BCL2L13: variants seen among roughly 807,000 people sequenced by gnomAD.
BCL2L13 encodes bcl-2-like protein 13.
Under a neutral mutation model 25.8 loss-of-function variants are expected in BCL2L13, and 13 were observed. That is an observed-to-expected ratio of 0.50 (90% CI 0.33 to 0.80). BCL2L13 has a LOEUF of 0.80. Ranked by LOEUF, BCL2L13 falls within the 30% of genes least tolerant of loss-of-function variation. BCL2L13 has a pLI of 0.02. For missense variants in BCL2L13, 504 were observed against 574.9 expected, an observed-to-expected ratio of 0.88 and a Z score of 1.26; for synonymous variants, 244 against 230.3, an observed-to-expected ratio of 1.06 and a Z score of -0.54.
At chr22:17,674,243 T>C (rs1295727457) in intron 2 of BCL2L13, among the ~76,000 whole-genome samples, 3 of 152,188 alleles carry the variant, frequency 2.0e-5, no homozygotes, top group African/African-American at 7.2e-5. Context: ...ATTTGAATTA[T>C]CAGGAAACAG....
At chr22:17,688,862 G>C in intron 3 of BCL2L13, 124 bp from the exon 4 acceptor site, 1 of 864,008 alleles carries the variant, frequency 1.2e-6, no homozygotes, top group Non-Finnish European at 1.6e-6. Context: ...CTGCCTCCTG[G>C]GTTCAAGTGA....
chr22:17,639,027 C>A, intron 1 of BCL2L13, 141 bp downstream of exon 1: 2 of 678,616 alleles, frequency 2.9e-6, no homozygotes, highest in Non-Finnish European at 4.1e-6. Context: ...TGTGTGTCTA[C>A]ACCGGCGCTC....
intron 6 of BCL2L13, among the ~76,000 whole-genome samples, chr22:17,710,511 C>T (rs958938047): frequency 1.8e-4 from 27 of 151,776 alleles, no homozygotes; most frequent in South Asian, 8.3e-4. Context: ...ACTTGGGAGG[C>T]GGAGGTTGCG....
intron 1 of BCL2L13, among the ~76,000 whole-genome samples, chr22:17,648,271 C>G (rs2058562852): frequency 6.6e-6 from 1 of 152,128 alleles, no homozygotes; most frequent in African/African-American, 2.4e-5. Context: ...GGCCTGTTAT[C>G]AATACCTTTG....
chr22:17,727,583 T>C lies in BCL2L13; in HGVS notation c.*49T>C, dbSNP rs1184215341. The C allele has an allele frequency of 2.5e-6, 4 of 1,594,684 alleles. No homozygotes were observed. The highest frequency in any genetic ancestry group is 1.7e-5 in the Admixed American group (1 of 58,720). On this transcript the variant is annotated 3_prime_UTR_variant, in exon 7 of 7. Transcript: ENST00000317582. ...AGAAGGATGTAAGGTTGGAGTTGTA[T>C]TGGCTGGAATTTGAACCTCCAGCAG...
rs191206341 is a variant in BCL2L13 at position 17,711,848 on chromosome 22, T to G, written c.600+9462T>G. On this transcript the variant is annotated intron_variant, in intron 6 of 6. Transcript: ENST00000317582. ...CCCTTCTGTTTGAAGAACTGTGTAA[T>G]TGTAAGGCACATCTTTTGACATGGC... 3.0e-3 allele frequency among the ~76,000 whole-genome samples: 462 copies of G among 152,230 alleles called. 5 individuals are homozygous for G. Among genetic ancestry groups the G allele is most frequent in the African/African-American group, 0.01 (424 of 41,518 alleles).
At chr22:17,723,062 G>GCAAAATGTGT (rs1473862508) in intron 6 of BCL2L13, among the ~76,000 whole-genome samples, 17 of 152,166 alleles carry the variant, frequency 1.1e-4, no homozygotes, top group South Asian at 2.1e-4. Context: ...GAAAATCCTT[G>GCAAAATGTGT]CAAAATGTGT....
At chr22:17,703,166 T>TACACACACACACACACACACACAC (rs1306835928) in intron 6 of BCL2L13, 26 of 128,586 alleles carry the variant, frequency 2.0e-4, no homozygotes, top group African/African-American at 8.9e-4. Flanking sequence ...CAACAAAATA[T>TACACACACACACACACACACACAC]ATATATACAC....
rs139314032 is a variant in BCL2L13 at position 17,650,957 on chromosome 22, G to A, written c.-50-4705G>A. On this transcript the variant is annotated intron_variant, in intron 1 of 6. Coordinates refer to ENST00000317582, the MANE Select transcript of BCL2L13 (RefSeq NM_015367.4). ...GCTTCCCAAAGTGTTGGGATTACAG[G>A]TGTGAGCCACCGCACCTCGTCGTCC... is the stretch of plus-strand genomic sequence containing the variant. 2.4e-3 allele frequency among the ~76,000 whole-genome samples: 352 copies of A among 148,028 alleles called. 1 individual carries two copies. Among genetic ancestry groups the A allele is most frequent in the African/African-American group, 8.3e-3 (333 of 39,976 alleles).
intron 2 of BCL2L13, among the ~76,000 whole-genome samples, chr22:17,663,282 G>A (rs1200501669): frequency 6.6e-6 from 1 of 152,176 alleles, no homozygotes; most frequent in African/African-American, 2.4e-5. Context: ...AGAAATGATG[G>A]AATTCAGTAG....
intron 1 of BCL2L13, among the ~76,000 whole-genome samples, chr22:17,631,497 A>G (rs2058012484): frequency 6.6e-6 from 1 of 151,246 alleles, no homozygotes. Context: ...AACACATCAG[A>G]AAGTACATGA....
intron 4 of BCL2L13, 145 bp downstream of exon 4, chr22:17,689,287 C>A: frequency 1.4e-6 from 1 of 697,372 alleles, no homozygotes; most frequent in Non-Finnish European, 2.2e-6. Flanking sequence ...TTTTCTTTCC[C>A]AAAGCATCTC....
upstream of BCL2L13, among the ~76,000 whole-genome samples, chr22:17,637,852 T>C (rs149283733): frequency 4.4e-4 from 67 of 152,300 alleles, no homozygotes; most frequent in Non-Finnish European, 7.8e-4. Flanking sequence ...TGTTGAGATA[T>C]AGATCTCATA....
In BCL2L13 at chr22:17,729,162, T is replaced by G. The variant is rs898671662; in HGVS notation, c.*1628T>G. The G allele has an allele frequency of 1.3e-5, 2 of 152,262 alleles. No homozygotes were observed. Among genetic ancestry groups the G allele is most frequent in the African/African-American group, 4.8e-5 (2 of 41,476 alleles). 9.4% of individuals were successfully genotyped at this position (152,262 alleles called of 1,614,324 possible). ...AAAACCTGATGTTTTAAATGTGCTT[T>G]CTTTTTGAAATTTATGTTTTCAAAT... On this transcript the variant is annotated 3_prime_UTR_variant, in exon 7 of 7. Transcript: ENST00000317582.
At position 17,714,154 on chromosome 22, in the gene BCL2L13, G is replaced by A. The variant is rs572054141; in HGVS notation, c.600+11768G>A. 5.4e-4 allele frequency among the ~76,000 whole-genome samples: 82 copies of A among 152,190 alleles called. 1 individual carries two copies. Among genetic ancestry groups the A allele is most frequent in the Middle Eastern group, 6.8e-3 (2 of 294 alleles). On this transcript the variant is annotated intron_variant, in intron 6 of 6. Transcript: ENST00000317582. ...TAAAAATACAAAAAGTTAGCCGGGCGTGGTGGCGGGCACCTGTAGTCCCAG... is the reference window on the plus strand; with the variant it reads ...TAAAAATACAAAAAGTTAGCCGGGCATGGTGGCGGGCACCTGTAGTCCCAG...
chr22:17,673,672 C>T (rs936949791), intron 2 of BCL2L13, among the ~76,000 whole-genome samples: 3 of 151,940 alleles, frequency 2.0e-5, no homozygotes, highest in Non-Finnish European at 2.9e-5. Flanking sequence ...CCACTGCGCC[C>T]GGCCTTATTT....
intron 1 of BCL2L13, among the ~76,000 whole-genome samples, chr22:17,639,199 G>C (rs1434405774): frequency 6.6e-6 from 1 of 152,216 alleles, no homozygotes; most frequent in Non-Finnish European, 1.5e-5. Context: ...ACAGCTTCAC[G>C]TGGAAAACCC....
At chr22:17,649,124 G>T (rs943989828) in intron 1 of BCL2L13, among the ~76,000 whole-genome samples, 11 of 151,786 alleles carry the variant, frequency 7.2e-5, no homozygotes, top group Non-Finnish European at 1.3e-4. Flanking sequence ...TTGGGAGACG[G>T]AGTCTAGCTC....
intron 6 of BCL2L13, among the ~76,000 whole-genome samples, chr22:17,712,710 T>C (rs948285924): frequency 1.3e-5 from 2 of 152,168 alleles, no homozygotes; most frequent in Admixed American, 1.3e-4. Context: ...TACAGGAAAA[T>C]TTAGCTTAAC....
Sources: gnomAD v4.1 joint callset for allele counts (sites outside exome capture counted in the v4.1 genomes callset) on GRCh38, gnomAD v4.1.1 for gene constraint, MANE v1.5 for transcripts, NCBI Gene and HGNC (gene_info 2026-07-23, HGNC 2026-07-21) for gene names.